The following AK9 variants were observed in gnomAD, a reference collection of about 807,000 sequenced individuals.
The protein encoded by AK9 is adenylate kinase domain containing 1.
AK9 carries 191 observed loss-of-function variants against 239.6 expected under a neutral mutation model. The ratio of observed to expected loss-of-function variants is 0.80; its 90% CI spans 0.71 to 0.90. The LOEUF (loss-of-function observed/expected upper bound fraction) is 0.90, where lower values mean the gene tolerates loss of function less well. Among genes scored for constraint, AK9 ranks in the 40% least tolerant of loss-of-function variants. The probability of loss-of-function intolerance (pLI) is 0.00; values close to 1 mark genes in which losing one functional copy is unlikely to be tolerated. For synonymous variants in AK9, 689 were observed against 721.0 expected (o/e 0.96, Z 0.71); for missense variants, 1,995 against 2,214.7 (o/e 0.90, Z 1.99).
At chr6:109,549,910 C>T (rs985494591) in intron 25 of AK9, 180 bp downstream of exon 25, 8 of 527,278 alleles carry the variant, frequency 1.5e-5, no homozygotes, top group African/African-American at 4.0e-5. Flanking sequence ...GTGATCCGCC[C>T]GTCTCGGCCT....
chr6:109,513,738 C>T (rs1439823744), intron 32 of AK9, among the ~76,000 whole-genome samples: 1 of 152,194 alleles, frequency 6.6e-6, no homozygotes, highest in African/African-American at 2.4e-5. Flanking sequence ...GCAGTAGTTA[C>T]TGACCACTGG....
intron 40 of AK9, 117 bp from the exon 41 acceptor site, chr6:109,493,688 A>C (rs1433417998): frequency 4.4e-5 from 40 of 917,906 alleles, no homozygotes; most frequent in Non-Finnish European, 6.3e-5. Flanking sequence ...AAGATATCCA[A>C]ATCCCAAATA....
At position 109,582,360 on chromosome 6, in the gene AK9, C is replaced by T. The variant is rs568421906; in HGVS notation, c.2115-2734G>A. On this transcript the variant is annotated intron_variant, in intron 19 of 40. Transcript: ENST00000424296. ...TGGAAAGGATTTACCATTGCAGAAGCCATTAAGAACATTCATGATTTGTGG... is the reference window on the plus strand; with the variant it reads ...TGGAAAGGATTTACCATTGCAGAAGTCATTAAGAACATTCATGATTTGTGG... Among the ~76,000 whole-genome samples the T allele has an allele frequency of 2.6e-5, 4 of 152,266 alleles. No individual in the cohort carries two copies. In the South Asian group the frequency reaches 8.3e-4, roughly 32 times the overall value.
chr6:109,598,083 T>C (rs1791309889), intron 17 of AK9, among the ~76,000 whole-genome samples: 2 of 152,178 alleles, frequency 1.3e-5, no homozygotes, highest in African/African-American at 4.8e-5. Context: ...TATATATATT[T>C]TAAATTATAC....
At chr6:109,675,188 T>C (rs1270530183) in intron 2 of AK9, among the ~76,000 whole-genome samples, 1 of 152,212 alleles carries the variant, frequency 6.6e-6, no homozygotes, top group Non-Finnish European at 1.5e-5. Context: ...AAGTTTCATA[T>C]GCAAATCAAG....
Position 109,494,131 on chromosome 6 carries a change from T to C in AK9, c.5419-36A>G, listed in dbSNP as rs754949252. Reference sequence around the variant, plus strand: ...GGAACAATTCAAATTCTGTGTATACTTGAGTTTGGTTTCTTTTCTTAGTGC... The same window carrying C: ...GGAACAATTCAAATTCTGTGTATACCTGAGTTTGGTTTCTTTTCTTAGTGC... On this transcript the variant is annotated intron_variant, in intron 39 of 40. Transcript: ENST00000424296. 3.3e-6 allele frequency: 5 copies of C among 1,494,272 alleles called. No homozygotes were observed. In the East Asian group the frequency reaches 1.1e-4, roughly 34 times the overall value. 92.6% of individuals were successfully genotyped at this position (1,494,272 alleles called of 1,614,324 possible).
chr6:109,674,282 T>C lies in AK9; in HGVS notation c.118-21A>G, dbSNP rs138660033. ...ACACCCTTAAAAAGAAAAATGTTAT[T>C]TAAAGCCCAATAGAACAGTTACTTG... On this transcript the variant is annotated intron_variant, in intron 2 of 40. Transcript: ENST00000424296. The C allele has an allele frequency of 2.6e-6, 4 of 1,519,294 alleles. No homozygotes were observed. In the African/African-American group the frequency reaches 4.2e-5, roughly 16 times the overall value. 94.1% of individuals were successfully genotyped at this position (1,519,294 alleles called of 1,614,324 possible).
At chr6:109,678,391 G>A (rs1562602457) in intron 1 of AK9, among the ~76,000 whole-genome samples, 1 of 152,144 alleles carries the variant, frequency 6.6e-6, no homozygotes, top group East Asian at 1.9e-4. Flanking sequence ...ACAAATTAAT[G>A]GTTGCCACGG....
intron 29 of AK9, among the ~76,000 whole-genome samples, chr6:109,520,609 C>T (rs554837278): frequency 6.6e-6 from 1 of 151,966 alleles, no homozygotes; most frequent in African/African-American, 2.4e-5. Flanking sequence ...TGTTTTGGTT[C>T]CATATGAATT....
intron 10 of AK9, among the ~76,000 whole-genome samples, chr6:109,639,164 C>T (rs1484036331): frequency 6.6e-6 from 1 of 152,166 alleles, no homozygotes; most frequent in Non-Finnish European, 1.5e-5. Flanking sequence ...TGGGTATATA[C>T]CCAGTAATGG....
intron 17 of AK9, among the ~76,000 whole-genome samples, chr6:109,608,880 C>G (rs369059522): frequency 6.6e-6 from 1 of 152,062 alleles, no homozygotes; most frequent in Non-Finnish European, 1.5e-5. Context: ...CAAAACCCCC[C>G]AAACCCCAAA....
intron 13 of AK9, among the ~76,000 whole-genome samples, chr6:109,617,310 G>A (rs1370306071): frequency 2.0e-5 from 3 of 151,912 alleles, no homozygotes; most frequent in Admixed American, 2.0e-4. Flanking sequence ...ACAGTTTCTG[G>A]CAAACAATAA....
intron 27 of AK9, among the ~76,000 whole-genome samples, chr6:109,539,246 G>A (rs1323855151): frequency 1.3e-5 from 2 of 152,292 alleles, no homozygotes; most frequent in East Asian, 3.9e-4. Context: ...ACACCAATCA[G>A]ACGTAGATTT....
chr6:109,641,407 C>G lies in AK9; in HGVS notation c.933+111G>C, dbSNP rs1797425416. The G allele has an allele frequency of 9.4e-6, 6 of 635,604 alleles. No individual in the cohort carries two copies. The South Asian group carries it at 1.2e-4, about 12-fold the overall frequency. The allele number at this position is 635,604 out of a possible 1,614,324, so 39.4% of individuals were successfully genotyped here. A position where few individuals can be genotyped will look rare whatever the true frequency, so the allele number is the denominator to read the frequency against. ...CTGACTAGGTCATCCAGGCTGGTCTCAGACTCCTGGGCTCCAGTGATCCTC... is the reference window on the plus strand; with the variant it reads ...CTGACTAGGTCATCCAGGCTGGTCTGAGACTCCTGGGCTCCAGTGATCCTC... On this transcript the variant is annotated intron_variant, in intron 10 of 40. Transcript: ENST00000424296.
At chr6:109,501,943 C>T (rs1777641805) in intron 35 of AK9, among the ~76,000 whole-genome samples, 1 of 152,186 alleles carries the variant, frequency 6.6e-6, no homozygotes, top group African/African-American at 2.4e-5. Context: ...CCTTACCATA[C>T]CTTACCACAT....
chr6:109,583,536 A>G (rs1583112563), intron 19 of AK9, among the ~76,000 whole-genome samples: 1 of 152,172 alleles, frequency 6.6e-6, no homozygotes, highest in Non-Finnish European at 1.5e-5. Context: ...TTTCTGAAGT[A>G]TAAAGGAAAA....
At chr6:109,606,253 AATAGATAG>A (rs57376541) in intron 17 of AK9, among the ~76,000 whole-genome samples, 2,667 of 148,088 alleles carry the variant, frequency 0.018, 33 homozygotes, top group South Asian at 0.07. Flanking sequence ...ATCACTTGTG[AATAGATAG>A]ATAGATAGAT....
intron 24 of AK9, among the ~76,000 whole-genome samples, chr6:109,562,028 C>T (rs1279343026): frequency 6.6e-6 from 1 of 152,162 alleles, no homozygotes; most frequent in Admixed American, 6.5e-5. Flanking sequence ...AGTGATCTGA[C>T]ACTCAAAGAA....
intron 1 of AK9, among the ~76,000 whole-genome samples, chr6:109,689,292 G>A (rs1019025535): frequency 3.9e-5 from 6 of 152,118 alleles, no homozygotes; most frequent in African/African-American, 1.4e-4. Flanking sequence ...GAATGGATAC[G>A]AGTGCTGCAA....
Sources: gnomAD v4.1 joint callset for allele counts (sites outside exome capture counted in the v4.1 genomes callset) on GRCh38, gnomAD v4.1.1 for gene constraint, MANE v1.5 for transcripts, NCBI Gene and HGNC (gene_info 2026-07-23, HGNC 2026-07-21) for gene names.